Variants in FOXP1 observed in about 807,000 individuals in gnomAD.
FOXP1 encodes the protein forkhead box P1.
A neutral mutation model predicts 98.2 loss-of-function variants in FOXP1; 15 were observed. That is an observed-to-expected ratio of 0.15 (90% CI 0.10 to 0.24). The LOEUF (loss-of-function observed/expected upper bound fraction) is 0.24. Ranked by LOEUF, FOXP1 falls within the 10% of genes least tolerant of loss-of-function variation. FOXP1 has a pLI of 1.00. For missense variants in FOXP1, 633 were observed against 848.5 expected (o/e 0.75, Z 3.15); for synonymous variants, 371 against 314.5 (o/e 1.18, Z -1.90).
intron 5 of FOXP1, among the ~76,000 whole-genome samples, chr3:71,287,049 A>T (rs2072222632): frequency 6.6e-6 from 1 of 152,242 alleles, no homozygotes; most frequent in Non-Finnish European, 1.5e-5. Flanking sequence ...GTAGCTTTAA[A>T]AATAAGATGT....
rs2061473766 is a variant in FOXP1, at chr3:71,168,019, C to T, written c.180+30183G>A. Among the ~76,000 whole-genome samples, 4 of 152,082 alleles carry T rather than the reference C, an allele frequency of 2.6e-5. No homozygotes were observed. In the South Asian group the frequency reaches 8.3e-4, roughly 32 times the overall value. On this transcript the variant is annotated intron_variant, in intron 6 of 20. Coordinates refer to ENST00000649528, the MANE Select transcript of FOXP1 (RefSeq NM_001349338.3). ...GAGATTTGTATGCTGGGTTTTCATC[C>T]AAATTTCATTTCAAATAATTTTAAT...
At chr3:71,413,170 C>T (rs1411684578) in intron 3 of FOXP1, among the ~76,000 whole-genome samples, 1 of 118,350 alleles carries the variant, frequency 8.4e-6, no homozygotes, top group Non-Finnish European at 1.7e-5. Context: ...CAAATAGACA[C>T]ACACATCTCA....
At chr3:71,449,486 A>G (rs2086741430) in intron 3 of FOXP1, among the ~76,000 whole-genome samples, 1 of 152,204 alleles carries the variant, frequency 6.6e-6, no homozygotes, top group Admixed American at 6.5e-5. Context: ...TTTCCTTTAA[A>G]ACCCAGAATT....
At chr3:71,124,882 C>T (rs556487897) in intron 6 of FOXP1, among the ~76,000 whole-genome samples, 1 of 152,210 alleles carries the variant, frequency 6.6e-6, no homozygotes, top group Non-Finnish European at 1.5e-5. Context: ...CATTGGTCGT[C>T]CTCTTTACAG....
chr3:71,190,474 CAAAA>C (rs10713146), intron 6 of FOXP1, among the ~76,000 whole-genome samples: 1 of 146,046 alleles, frequency 6.8e-6, no homozygotes, highest in East Asian at 2.0e-4. Flanking sequence ...AAAACAACAA[CAAAA>C]AAAAAACAGC....
chr3:71,117,395 T>C (rs2107789813), intron 6 of FOXP1, among the ~76,000 whole-genome samples: 1 of 152,356 alleles, frequency 6.6e-6, no homozygotes, highest in Middle Eastern at 3.4e-3. Flanking sequence ...CCAGATATTA[T>C]TCCAATACAA....
intron 1 of FOXP1, chr3:71,582,375 G>GCCGCCGCCA: frequency 1.0e-6 from 1 of 978,202 alleles, no homozygotes; most frequent in Non-Finnish European, 1.2e-6. Flanking sequence ...GGCTCCCGGC[G>GCCGCCGCCA]CCGCCGCCAC....
chr3:71,242,670 T>C (rs146179268), intron 5 of FOXP1, among the ~76,000 whole-genome samples: 65 of 151,888 alleles, frequency 4.3e-4, no homozygotes, highest in African/African-American at 1.3e-3. Context: ...TCCCATTTCT[T>C]AACAACGTAC....
intron 7 of FOXP1, among the ~76,000 whole-genome samples, chr3:71,088,394 T>G (rs2055380652): frequency 7.8e-6 from 1 of 127,824 alleles, no homozygotes; most frequent in African/African-American, 2.7e-5. Context: ...CATTGTTTTG[T>G]TTTTTGTTTT....
At chr3:71,475,474 C>T (rs1273586159) in intron 3 of FOXP1, among the ~76,000 whole-genome samples, 1 of 152,076 alleles carries the variant, frequency 6.6e-6, no homozygotes, top group Non-Finnish European at 1.5e-5. Flanking sequence ...TCAAAGGGGA[C>T]CTAAGTAGGC....
intron 3 of FOXP1, among the ~76,000 whole-genome samples, chr3:71,407,081 C>T (rs1021240234): frequency 1.3e-5 from 2 of 152,130 alleles, no homozygotes; most frequent in African/African-American, 4.8e-5. Context: ...GGAGAAATTT[C>T]TGCTTGATTC....
At chr3:71,349,577 T>A (rs1365655711) in intron 4 of FOXP1, among the ~76,000 whole-genome samples, 6 of 152,144 alleles carry the variant, frequency 3.9e-5, no homozygotes, top group Non-Finnish European at 4.4e-5. Context: ...GAAATTAAAG[T>A]TTTTTGCTAA....
At chr3:71,372,185 T>A (rs1332578489) in intron 3 of FOXP1, among the ~76,000 whole-genome samples, 27 of 151,344 alleles carry the variant, frequency 1.8e-4, no homozygotes, top group Admixed American at 4.6e-4. Context: ...GCTAATTTTT[T>A]TTTTTTTTGT....
At position 71,436,318 on chromosome 3, in the gene FOXP1, C is replaced by A. The variant is rs547593643; in HGVS notation, c.-168+57108G>T. On this transcript the variant is annotated intron_variant, in intron 3 of 20. Coordinates refer to ENST00000649528, the MANE Select transcript of FOXP1 (RefSeq NM_001349338.3). ...GCTAAAACCTGAAAATCCTAAGATG[C>A]AGCCTGGTATAAGCCAGTGTTTTCC... Among the ~76,000 whole-genome samples, 5 of 152,200 alleles carry A rather than the reference C, an allele frequency of 3.3e-5. No homozygotes were observed. The South Asian group carries it at 1.0e-3, about 31-fold the overall frequency.
At position 71,099,531 on chromosome 3, in the gene FOXP1, A is replaced by AAACAC. The variant is rs1169850755; in HGVS notation, c.282+13004_282+13005insGTGTT. ...CATCTCAACAAAGCAAAACAAAACA[A>AAACAC]AACAAAACAAAACAAAAAAACCCCA... On this transcript the variant is annotated intron_variant, in intron 7 of 20. Coordinates refer to ENST00000649528, the MANE Select transcript of FOXP1 (RefSeq NM_001349338.3). 2.0e-5 allele frequency among the ~76,000 whole-genome samples: 3 copies of AAACAC among 152,214 alleles called. No individual in the cohort carries two copies. The East Asian group carries it at 5.8e-4, about 29-fold the overall frequency.
chr3:71,154,086 TCTTC>T (rs1329532087), intron 6 of FOXP1, among the ~76,000 whole-genome samples: 2 of 130,004 alleles, frequency 1.5e-5, no homozygotes, highest in Non-Finnish European at 3.4e-5. Flanking sequence ...TTCTTCTTCT[TCTTC>T]TTCTTCTTTT....
intron 6 of FOXP1, among the ~76,000 whole-genome samples, chr3:71,184,871 G>T (rs148151285): frequency 3.9e-5 from 6 of 151,942 alleles, no homozygotes; most frequent in African/African-American, 1.2e-4. Context: ...CACAAAGGAG[G>T]GGCCATAAAC....
intron 3 of FOXP1, among the ~76,000 whole-genome samples, chr3:71,479,710 A>G (rs1423205924): frequency 6.6e-6 from 1 of 151,016 alleles, no homozygotes; most frequent in African/African-American, 2.4e-5. Flanking sequence ...AAAAGAAAAG[A>G]AAAAAAAAGA....
At chr3:71,165,247 TA>T (rs34841115) in intron 6 of FOXP1, among the ~76,000 whole-genome samples, 180 of 136,526 alleles carry the variant, frequency 1.3e-3, no homozygotes, top group African/African-American at 2.6e-3. Context: ...TATTTTTTTG[TA>T]AAAAAAAAAA....
Sources: allele counts gnomAD v4.1 joint callset (sites outside exome capture counted in the v4.1 genomes callset), GRCh38; gene constraint gnomAD v4.1.1; transcripts MANE v1.5; gene names NCBI Gene and HGNC (gene_info 2026-07-23, HGNC 2026-07-21).